SYNE2: variants seen among roughly 807,000 people sequenced by gnomAD.
SYNE2 encodes spectrin repeat containing nuclear envelope protein 2.
Under a neutral mutation model 856.3 loss-of-function variants are expected in SYNE2, and 431 were observed. That is an observed-to-expected ratio of 0.50 (90% confidence interval 0.47 to 0.55). SYNE2 has a LOEUF of 0.55. Among genes scored for constraint, SYNE2 ranks in the 20% least tolerant of loss-of-function variants. The pLI is 0.00. For missense variants in SYNE2, 8,129 were observed against 8,023.2 expected (o/e 1.01, Z -0.50); for synonymous variants, 2,923 against 2,872.3 (o/e 1.02, Z -0.56).
chr14:63,818,557 A>C (rs1889095119), intron 1 of SYNE2, among the ~76,000 whole-genome samples: 1 of 152,082 alleles, frequency 6.6e-6, no homozygotes, highest in African/African-American at 2.4e-5. Context: ...TCAGTGAATT[A>C]GAAATAAAAT....
In SYNE2 at chr14:64,081,356, A is replaced by G. The variant is rs1306426090; in HGVS notation, c.11347-87A>G. Reference sequence around the variant, plus strand: ...ATCTGCAAGGCCTGACACACCCCTGACTAACAGCTATTGACTCTTCATCTA... The same window carrying G: ...ATCTGCAAGGCCTGACACACCCCTGGCTAACAGCTATTGACTCTTCATCTA... On this transcript the variant is annotated intron_variant, in intron 56 of 115. Coordinates refer to ENST00000555002, the MANE Select transcript of SYNE2 (RefSeq NM_182914.3). 8 of 1,559,140 alleles carry G rather than the reference A, an allele frequency of 5.1e-6. No homozygotes were observed. In the African/African-American group the frequency reaches 1.1e-4, roughly 21 times the overall value.
intron 85 of SYNE2, among the ~76,000 whole-genome samples, chr14:64,156,566 C>T (rs1446491252): frequency 6.6e-6 from 1 of 151,568 alleles, no homozygotes; most frequent in African/African-American, 2.4e-5. Flanking sequence ...TCAAAAGATT[C>T]TCCTGCCTCA....
chr14:63,860,176 C>G (rs973693124), intron 1 of SYNE2, among the ~76,000 whole-genome samples: 1 of 151,196 alleles, frequency 6.6e-6, no homozygotes, highest in African/African-American at 2.5e-5. Context: ...TTTTCTTAAA[C>G]TAAATCCACT....
Position 63,954,737 on chromosome 14 carries a change from G to T in SYNE2, c.609G>T (p.Val203=). Residue 203 remains valine, a synonymous_variant, in exon 8 of 116, where the codon GTG becomes GTT. Transcript: ENST00000555002. ...ATGATAGCTATGAGTCTGTCAATGTGACCGATTTTAAGTCAAGTTGGAGAA... is the reference window on the plus strand; with the variant it reads ...ATGATAGCTATGAGTCTGTCAATGTTACCGATTTTAAGTCAAGTTGGAGAA... ...EQCATYESVN[V]TDFKSSWRNG... The T allele has an allele frequency of 6.2e-7, 1 of 1,613,906 alleles. No individual in the cohort carries two copies. The highest frequency in any genetic ancestry group is 1.1e-5 in the South Asian group (1 of 91,022).
intron 54 of SYNE2, among the ~76,000 whole-genome samples, chr14:64,076,821 A>T (rs1237262543): frequency 6.6e-6 from 1 of 151,808 alleles, no homozygotes; most frequent in Non-Finnish European, 1.5e-5. Flanking sequence ...TCAGATTTCA[A>T]ACTTAGTTGC....
rs779696836 is a variant in SYNE2, at chr14:63,990,513, C to T, written c.2416C>T (p.His806Tyr). Residue 806 changes from histidine (H) to tyrosine (Y), a missense_variant, in exon 20 of 116, where the codon CAT (histidine) becomes TAT (tyrosine). Coordinates refer to ENST00000555002, the MANE Select transcript of SYNE2 (RefSeq NM_182914.3). ...TATTTCAAGCCAGGAGTCCTTTCAA[C>T]ATGTTCTCACAACTGGGCTTCAGGC... ...QNISSQESFQHVLTTGLQAKI... is the reference protein window; with the variant it reads ...QNISSQESFQYVLTTGLQAKI... 3.7e-6 allele frequency: 6 copies of T among 1,613,726 alleles called. No individual in the cohort carries two copies. Among genetic ancestry groups the T allele is most frequent in the Non-Finnish European group, 5.1e-6 (6 of 1,179,894 alleles).
At chr14:63,948,782 G>GTATATGTATATA (rs2096090782) in intron 6 of SYNE2, among the ~76,000 whole-genome samples, 1 of 43,906 alleles carries the variant, frequency 2.3e-5, no homozygotes, top group African/African-American at 8.1e-5. Context: ...ATGTGTGTGT[G>GTATATGTATATA]TATATATATA....
intron 30 of SYNE2, among the ~76,000 whole-genome samples, chr14:64,004,110 C>T (rs991175263): frequency 2.4e-4 from 36 of 151,862 alleles, no homozygotes; most frequent in African/African-American, 8.2e-4. Context: ...CTGCAACCTC[C>T]GCCTCCTGGG....
rs1351715909 is a variant in SYNE2 at position 64,022,879 on chromosome 14, G to C, written c.5637+16G>C. On this transcript the variant is annotated intron_variant, in intron 38 of 115. Coordinates refer to ENST00000555002, the MANE Select transcript of SYNE2 (RefSeq NM_182914.3). ...AAAACTTTCTGTAAGAGATATATGT[G>C]TATTTTTAATAAAAATTTTCAATAC... 1 of 1,370,432 alleles carries C rather than the reference G, an allele frequency of 7.3e-7. No individual in the cohort carries two copies. Among genetic ancestry groups the C allele is most frequent in the Admixed American group, 1.7e-5 (1 of 57,290 alleles). 84.9% of individuals were successfully genotyped at this position (1,370,432 alleles called of 1,614,324 possible).
chr14:64,102,096 C>A, intron 64 of SYNE2, 54 bp downstream of exon 64: 1 of 1,271,840 alleles, frequency 7.9e-7, no homozygotes, highest in Non-Finnish European at 1.1e-6. Flanking sequence ...CAGGGGGGAG[C>A]AGGGATCTCT....
At chr14:64,010,230 A>G (rs2096833172) in intron 32 of SYNE2, 114 bp downstream of exon 32, 2 of 1,162,612 alleles carry the variant, frequency 1.7e-6, no homozygotes, top group South Asian at 1.4e-5. Context: ...AGAAGTTACT[A>G]GTGACCCTAT....
rs574093957 is a variant in SYNE2, at chr14:64,170,293, G to C, written c.17066G>C (p.Arg5689Pro). Residue 5689 changes from arginine to proline, a missense_variant, in exon 94 of 116, where the codon CGG (arginine) becomes CCG (proline). By Grantham distance (103) the Arg-to-Pro change is moderately radical. This residue lies in a region of SYNE2 where 5,410 missense variants were observed against 5,284.8 expected (regional missense o/e 1.02). Coordinates refer to ENST00000555002, the MANE Select transcript of SYNE2 (RefSeq NM_182914.3). ...TGGCAGAATGCTGTCCAGGGTGTTC[G>C]GCAGAGGAAGGGTGACGTTGATGGG... ...DRWQNAVQGV[R>P]QRKGDVDGLV... The C allele has an allele frequency of 3.1e-6, 5 of 1,613,954 alleles. No individual in the cohort carries two copies. The South Asian group carries it at 5.5e-5, about 18-fold the overall frequency.
intron 100 of SYNE2, among the ~76,000 whole-genome samples, chr14:64,207,546 C>CAAA (rs11330383): frequency 7.5e-6 from 1 of 132,760 alleles, no homozygotes. Flanking sequence ...ACCCTTGTCT[C>CAAA]AAAAAAAAAA....
At chr14:63,804,576 C>A (rs1399666163) in intron 1 of SYNE2, among the ~76,000 whole-genome samples, 5 of 152,158 alleles carry the variant, frequency 3.3e-5, no homozygotes, top group South Asian at 2.1e-4. Context: ...TCACCACAAC[C>A]TTTGCCTCCC....
chr14:63,962,082 A>C (rs1312331134), intron 9 of SYNE2, among the ~76,000 whole-genome samples: 1 of 150,920 alleles, frequency 6.6e-6, no homozygotes, highest in East Asian at 1.9e-4. Context: ...TTTGAGATGG[A>C]GTCTTGCCCT....
At chr14:64,206,862 G>T (rs1596223097) in intron 100 of SYNE2, among the ~76,000 whole-genome samples, 2 of 151,910 alleles carry the variant, frequency 1.3e-5, no homozygotes, top group Admixed American at 6.6e-5. Flanking sequence ...CAGTATTAGG[G>T]TTCCTAATTT....
chr14:64,216,343 C>G lies in SYNE2; in HGVS notation c.19498C>G (p.Pro6500Ala). ...GCAAATGGAAGGTGACAGGAATGTT[C>G]CACCTGTTCCCCCTGCGTCCAGCAC... is the stretch of plus-strand genomic sequence containing the variant. ...YKQMEGDRNVPPVPPASSTPY... is the reference protein window; with the variant it reads ...YKQMEGDRNVAPVPPASSTPY... The change falls in exon 108 of 116, where the codon CCA (proline) becomes GCA (alanine). Residue 6500 changes from proline (P) to alanine (A), a missense_variant. Physicochemically the swap from Pro to Ala is conservative, Grantham distance 27. Coordinates refer to ENST00000555002, the MANE Select transcript of SYNE2 (RefSeq NM_182914.3). 6.2e-7 allele frequency: 1 copy of G among 1,614,226 alleles called. No individual in the cohort carries two copies. The highest frequency in any genetic ancestry group is 1.1e-5 in the South Asian group (1 of 91,082).
At position 64,070,745 on chromosome 14, in the gene SYNE2, T is replaced by C; in HGVS notation, c.10532T>C (p.Leu3511Pro). The C allele has an allele frequency of 6.2e-7, 1 of 1,614,238 alleles. No individual in the cohort carries two copies. The highest frequency in any genetic ancestry group is 2.2e-5 in the East Asian group (1 of 44,886). Residue 3511 changes from leucine to proline, a missense_variant, in exon 52 of 116, where the codon CTA (leucine) becomes CCA (proline). Physicochemically the swap from Leu to Pro is moderately conservative, Grantham distance 98. Coordinates refer to ENST00000555002, the MANE Select transcript of SYNE2 (RefSeq NM_182914.3). ...AATTEELSELLDCLCQYGENV... is the reference protein window; with the variant it reads ...AATTEELSELPDCLCQYGENV... ...ACCACAGAGGAACTCTCTGAGCTGCTAGACTGTTTATGCCAATATGGAGAG... is the reference window on the plus strand; with the variant it reads ...ACCACAGAGGAACTCTCTGAGCTGCCAGACTGTTTATGCCAATATGGAGAG...
intron 42 of SYNE2, 112 bp downstream of exon 42, chr14:64,026,842 T>G: frequency 3.8e-6 from 5 of 1,332,982 alleles, no homozygotes; most frequent in South Asian, 1.3e-5. Flanking sequence ...AGAGAGAAAG[T>G]TGGTAATGTC....
Sources: gnomAD v4.1 joint callset for allele counts (sites outside exome capture counted in the v4.1 genomes callset) on GRCh38, gnomAD v4.1.1 for gene constraint, gnomAD v4.1.1 regional missense constraint, MANE v1.5 for transcripts, NCBI Gene and HGNC (gene_info 2026-07-23, HGNC 2026-07-21) for gene names.